RARRES2: variants seen among roughly 807,000 people sequenced by gnomAD.
RARRES2 encodes the protein retinoic acid receptor responder 2, also known as retinoic acid receptor responder protein 2.
Under a neutral mutation model 17.9 loss-of-function variants are expected in RARRES2, and 12 were observed. That is an observed-to-expected ratio of 0.67 (90% CI 0.43 to 1.08). The LOEUF (loss-of-function observed/expected upper bound fraction) is 1.08, where lower values mean the gene tolerates loss of function less well. RARRES2 is among the 50% of genes least tolerant of loss of function. The pLI is 0.00. For synonymous variants in RARRES2, 82 were observed against 86.8 expected, an observed-to-expected ratio of 0.94 and a Z score of 0.31; for missense variants, 220 against 210.1, an observed-to-expected ratio of 1.05 and a Z score of -0.29.
intron 2 of RARRES2, 41 bp downstream of exon 2, chr7:150,340,395 G>A (rs1000391241): frequency 6.4e-7 from 1 of 1,565,370 alleles, no homozygotes; most frequent in South Asian, 1.2e-5. Flanking sequence ...GGTCTCCTGG[G>A]GTACGACCCT....
intron 5 of RARRES2, 81 bp downstream of exon 5, chr7:150,338,534 G>A: frequency 6.6e-7 from 1 of 1,517,366 alleles, no homozygotes; most frequent in Non-Finnish European, 8.9e-7. Flanking sequence ...CCCCTCCCAG[G>A]CTCCCAAAGC....
chr7:150,340,874 T>C (rs1798472065), intron 1 of RARRES2: 2 of 406,878 alleles, frequency 4.9e-6, no homozygotes, highest in Admixed American at 8.6e-5. Flanking sequence ...CAAAGTTCCC[T>C]GCCCACGCTA....
chr7:150,339,299 T>C (rs1279606309), intron 3 of RARRES2, among the ~76,000 whole-genome samples: 4 of 152,148 alleles, frequency 2.6e-5, no homozygotes, highest in Non-Finnish European at 4.4e-5. Context: ...TATGGAACTT[T>C]CATGTGTGTG....
chr7:150,339,245 G>A lies in RARRES2; in HGVS notation c.280-164C>T, dbSNP rs115799842. Among the ~76,000 whole-genome samples the A allele has an allele frequency of 6.8e-3, 1,037 of 152,272 alleles. 17 individuals carry two copies. The highest frequency in any genetic ancestry group is 0.024 in the African/African-American group (995 of 41,546). On this transcript the variant is annotated intron_variant, in intron 3 of 5. Transcript: ENST00000223271. ...TGCAGGCCAGCAGGTTTCAGGCACA[G>A]CCACCCTAGAATGTCAGAAGTCAGA...
Sources: gnomAD v4.1 joint callset for allele counts (sites outside exome capture counted in the v4.1 genomes callset) on GRCh38, gnomAD v4.1.1 for gene constraint, MANE v1.5 for transcripts, NCBI Gene and HGNC (gene_info 2026-07-23, HGNC 2026-07-21) for gene names.